The following VWA3B variants were observed in gnomAD, a reference collection of about 807,000 sequenced individuals.
VWA3B encodes von Willebrand factor A domain containing 3B, also known as von Willebrand factor A domain-containing protein 3B.
VWA3B carries 138 observed loss-of-function variants against 158.3 expected under a neutral mutation model. That is an observed-to-expected ratio of 0.87 (90% CI 0.76 to 1.00). The LOEUF is 1.00. Ranked by LOEUF, VWA3B falls within the 50% of genes least tolerant of loss-of-function variation. The pLI is 0.00. For missense variants in VWA3B, 1,555 were observed against 1,565.1 expected (o/e 0.99, Z 0.11); for synonymous variants, 596 against 587.3 (o/e 1.01, Z -0.21).
chr2:98,310,130 C>T (rs1351405243), intron 26 of VWA3B, among the ~76,000 whole-genome samples: 1 of 152,180 alleles, frequency 6.6e-6, no homozygotes, highest in Non-Finnish European at 1.5e-5. Flanking sequence ...CTAAGACCCC[C>T]CACCGGGTCT....
chr2:98,251,241 T>C (rs1380353572), intron 20 of VWA3B, among the ~76,000 whole-genome samples: 1 of 152,188 alleles, frequency 6.6e-6, no homozygotes, highest in Non-Finnish European at 1.5e-5. Flanking sequence ...CCAATATCCA[T>C]AAAAATCTCA....
rs558355003 is a variant in VWA3B at position 98,214,492 on chromosome 2, T to G, written c.1836+2464T>G. ...GCATAGGTAGAGAAAATTCTCCCTC[T>G]CACCCCTTTCACCAGCTAGGAGGCA... On this transcript the variant is annotated intron_variant, in intron 13 of 27. Coordinates refer to ENST00000477737, the MANE Select transcript of VWA3B (RefSeq NM_144992.5). Among the ~76,000 whole-genome samples, 4 of 152,312 alleles carry G rather than the reference T, an allele frequency of 2.6e-5. No homozygotes were observed. The East Asian group carries it at 7.7e-4, about 29-fold the overall frequency.
intron 8 of VWA3B, among the ~76,000 whole-genome samples, chr2:98,169,478 A>G (rs191453812): frequency 9.2e-5 from 14 of 152,246 alleles, no homozygotes; most frequent in African/African-American, 3.4e-4. Flanking sequence ...AAAGAAGAAC[A>G]AAGAACAGAT....
intron 3 of VWA3B, among the ~76,000 whole-genome samples, chr2:98,118,028 T>G (rs1674664343): frequency 6.6e-6 from 1 of 152,222 alleles, no homozygotes; most frequent in Non-Finnish European, 1.5e-5. Flanking sequence ...TGAGCCATCA[T>G]GCCAGGTCCA....
intron 22 of VWA3B, among the ~76,000 whole-genome samples, chr2:98,284,676 A>T (rs1352252276): frequency 6.6e-6 from 1 of 152,222 alleles, no homozygotes; most frequent in Non-Finnish European, 1.5e-5. Context: ...CAAACACTTT[A>T]TATTGGACTT....
At chr2:98,275,056 T>C (rs937726) in intron 22 of VWA3B, among the ~76,000 whole-genome samples, 63,769 of 152,118 alleles carry the variant, frequency 0.42, 13,769 homozygotes, top group Admixed American at 0.47. Flanking sequence ...TTGTTTATTT[T>C]GCAGCACACT....
intron 22 of VWA3B, among the ~76,000 whole-genome samples, chr2:98,284,423 C>T (rs945827055): frequency 6.6e-6 from 1 of 152,184 alleles, no homozygotes; most frequent in African/African-American, 2.4e-5. Context: ...ATTTCCAGAA[C>T]CCAAACTGTA....
chr2:98,179,879 C>T (rs1205844277), intron 8 of VWA3B, among the ~76,000 whole-genome samples: 1 of 100,258 alleles, frequency 1.0e-5, no homozygotes, highest in African/African-American at 4.2e-5. Context: ...CTCCTTCCTC[C>T]CTCCCTCTCT....
At chr2:98,225,665 A>G (rs939937510) in intron 14 of VWA3B, among the ~76,000 whole-genome samples, 1 of 151,664 alleles carries the variant, frequency 6.6e-6, no homozygotes, top group African/African-American at 2.4e-5. Context: ...TTTTATGTGC[A>G]GGTAATGTAT....
intron 7 of VWA3B, among the ~76,000 whole-genome samples, chr2:98,162,443 C>G (rs1044693014): frequency 6.6e-6 from 1 of 152,144 alleles, no homozygotes; most frequent in African/African-American, 2.4e-5. Context: ...AAGCAGGACA[C>G]CTTGGCTACA....
intron 20 of VWA3B, among the ~76,000 whole-genome samples, chr2:98,255,816 G>A (rs1314842926): frequency 6.6e-6 from 1 of 152,174 alleles, no homozygotes; most frequent in Non-Finnish European, 1.5e-5. Flanking sequence ...AAAATGGTGG[G>A]TGTTTAGAAA....
chr2:98,300,157 C>T lies in VWA3B; in HGVS notation c.3361C>T (p.Pro1121Ser), dbSNP rs1224120138. ...FYVPAIVIAL[P>S]NKHVATEKFY... Reference sequence around the variant, plus strand: ...TGTCCCTGCCATTGTCATAGCACTTCCCAATAAGCATGTGGCCACAGAAAA... The same window carrying T: ...TGTCCCTGCCATTGTCATAGCACTTTCCAATAAGCATGTGGCCACAGAAAA... The change falls in exon 25 of 28, where the codon CCC (proline) becomes TCC (serine). Residue 1121 changes from proline to serine, a missense_variant. Physicochemically the swap from Pro to Ser is moderately conservative, Grantham distance 74. Coordinates refer to ENST00000477737, the MANE Select transcript of VWA3B (RefSeq NM_144992.5). 6.2e-7 allele frequency: 1 copy of T among 1,614,236 alleles called. No homozygotes were observed. The highest frequency in any genetic ancestry group is 1.1e-5 in the South Asian group (1 of 91,086).
At chr2:98,209,766 C>G (rs1440466069) in intron 12 of VWA3B, among the ~76,000 whole-genome samples, 4 of 152,170 alleles carry the variant, frequency 2.6e-5, no homozygotes. Context: ...TGTGATATTT[C>G]TGGTTCTTGG....
chr2:98,252,562 C>A (rs1028047742), intron 20 of VWA3B, among the ~76,000 whole-genome samples: 7 of 152,038 alleles, frequency 4.6e-5, no homozygotes, highest in Non-Finnish European at 8.8e-5. Flanking sequence ...GCCTCAGATT[C>A]CTTGTTCACA....
rs147719086 is a variant in VWA3B at position 98,251,364 on chromosome 2, A to G, written c.2792+928A>G. On this transcript the variant is annotated intron_variant, in intron 20 of 27. Transcript: ENST00000477737. ...ACTCGACAGTAATGAGATAATGGAA[A>G]TAACGGCTTTTGTTAATTTTAAAAT... Among the ~76,000 whole-genome samples the G allele has an allele frequency of 7.9e-3, 1,210 of 152,298 alleles. 21 individuals carry two copies. The highest frequency in any genetic ancestry group is 0.028 in the African/African-American group (1,143 of 41,516).
intron 20 of VWA3B, 127 bp downstream of exon 20, chr2:98,250,563 T>A: frequency 1.3e-6 from 1 of 776,194 alleles, no homozygotes; most frequent in South Asian, 2.0e-5. Flanking sequence ...TTGTTCAGGC[T>A]GGGTGTGGTA....
At chr2:98,302,325 C>T (rs1346335282) in intron 25 of VWA3B, among the ~76,000 whole-genome samples, 1 of 152,242 alleles carries the variant, frequency 6.6e-6, no homozygotes, top group Non-Finnish European at 1.5e-5. Flanking sequence ...TCACCAACCT[C>T]TCAATCCTTG....
At chr2:98,161,104 T>C (rs942669795) in intron 7 of VWA3B, among the ~76,000 whole-genome samples, 1 of 152,194 alleles carries the variant, frequency 6.6e-6, no homozygotes, top group African/African-American at 2.4e-5. Context: ...TCTCATCATC[T>C]GTGATTGTGG....
chr2:98,267,771 A>G (rs1238720339), intron 21 of VWA3B, among the ~76,000 whole-genome samples: 6 of 152,154 alleles, frequency 3.9e-5, no homozygotes, highest in Non-Finnish European at 8.8e-5. Flanking sequence ...TGAAAGGATC[A>G]ATAAAATTGA....
Sources: allele counts gnomAD v4.1 joint callset (sites outside exome capture counted in the v4.1 genomes callset), GRCh38; gene constraint gnomAD v4.1.1; transcripts MANE v1.5; gene names NCBI Gene and HGNC (gene_info 2026-07-23, HGNC 2026-07-21).